The following PRPF3 variants were observed in gnomAD, a reference collection of about 807,000 sequenced individuals.
PRPF3 encodes U4/U6 small nuclear ribonucleoprotein Prp3.
Under a neutral mutation model 89.2 loss-of-function variants are expected in PRPF3, and 3 were observed. That is an observed-to-expected ratio of 0.03 (90% CI 0.02 to 0.09). The LOEUF is 0.09. Ranked by LOEUF, PRPF3 falls within the 10% of genes least tolerant of loss-of-function variation. PRPF3 has a pLI of 1.00. For synonymous variants in PRPF3, 270 were observed against 289.1 expected (o/e 0.93, Z 0.67); for missense variants, 463 against 828.8 (o/e 0.56, Z 5.42).
intron 9 of PRPF3, chr1:150,343,046 T>C: frequency 6.1e-6 from 1 of 164,400 alleles, no homozygotes; most frequent in East Asian, 1.8e-4. Context: ...TGGTGGCTCA[T>C]GCCTGGCCAA....
intron 15 of PRPF3, among the ~76,000 whole-genome samples, chr1:150,349,594 TAGG>T (rs1658681547): frequency 6.6e-6 from 1 of 152,156 alleles, no homozygotes; most frequent in South Asian, 2.1e-4. Context: ...AATATAAAGT[TAGG>T]AGGCTGGGCA....
Position 150,343,721 on chromosome 1 carries a change from A to G in PRPF3, c.1426+269A>G, listed in dbSNP as rs587687877. Among the ~76,000 whole-genome samples, 288 of 152,294 alleles carry G rather than the reference A, an allele frequency of 1.9e-3. 2 individuals carry two copies. Among genetic ancestry groups the G allele is most frequent in the Middle Eastern group, 0.01 (3 of 294 alleles). On this transcript the variant is annotated intron_variant, in intron 10 of 15. Transcript: ENST00000324862. ...AATACAGGTCTTGAAATTCATGGAG[A>G]TAGTAGTTGCAGTATTTGCGTAGAC...
In PRPF3 at chr1:150,347,163, AT is replaced by A. The variant is rs1218279924; in HGVS notation, c.1843+685del. Among the ~76,000 whole-genome samples, 144 of 145,470 alleles carry A rather than the reference AT, an allele frequency of 9.9e-4. 1 individual carries two copies. Among genetic ancestry groups the A allele is most frequent in the African/African-American group, 8.8e-4 (35 of 39,902 alleles). On this transcript the variant is annotated intron_variant, in intron 14 of 15. Coordinates refer to ENST00000324862, the MANE Select transcript of PRPF3 (RefSeq NM_004698.4). ...AGTGTCTATATTATATTATTATTTGATTTTTTTTTTTTTAAGGATTGAAGCC... is the reference window on the plus strand; with the variant it reads ...AGTGTCTATATTATATTATTATTTGATTTTTTTTTTTTAAGGATTGAAGCC...
Position 150,328,410 on chromosome 1 carries a change from C to G in PRPF3, c.367C>G (p.Pro123Ala), listed in dbSNP as rs782221917. 5.0e-6 allele frequency: 8 copies of G among 1,613,930 alleles called. No homozygotes were observed. The highest frequency in any genetic ancestry group is 6.8e-6 in the Non-Finnish European group (8 of 1,180,016). The change falls in exon 4 of 16, where the codon CCA (proline) becomes GCA (alanine). Residue 123 changes from proline (P) to alanine (A), a missense_variant. Pro to Ala is a conservative substitution (Grantham distance 27). Coordinates refer to ENST00000324862, the MANE Select transcript of PRPF3 (RefSeq NM_004698.4). ...CCGTTTTGAGGAGGTGGAAGAAGAG[C>G]CAGAGGTGATCCCTGGGCCTCCATC... ...IPRFEEVEEEPEVIPGPPSES... is the reference protein window; with the variant it reads ...IPRFEEVEEEAEVIPGPPSES...
intron 1 of PRPF3, among the ~76,000 whole-genome samples, chr1:150,323,180 T>TTTTTTTC (rs1655287311): frequency 8.2e-6 from 1 of 122,456 alleles, no homozygotes. Flanking sequence ...TGGCTTTTTT[T>TTTTTTTC]TTTTTTTTTT....
intron 12 of PRPF3, among the ~76,000 whole-genome samples, chr1:150,345,000 C>T (rs1553872545): frequency 6.6e-6 from 1 of 151,678 alleles, no homozygotes. Flanking sequence ...GTTTCATCCT[C>T]ACTCCAAAAT....
At chr1:150,351,158 G>A (rs587678259) in intron 15 of PRPF3, among the ~76,000 whole-genome samples, 3 of 151,966 alleles carry the variant, frequency 2.0e-5, no homozygotes, top group African/African-American at 7.2e-5. Context: ...CCAGCTACTT[G>A]GGAGGCTGAG....
intron 4 of PRPF3, 106 bp downstream of exon 4, chr1:150,328,572 G>A (rs1655970037): frequency 4.6e-6 from 2 of 435,356 alleles, no homozygotes; most frequent in Non-Finnish European, 6.7e-6. Flanking sequence ...TTTTTTTTGA[G>A]GTGGAGTTTT....
intron 9 of PRPF3, 40 bp from the exon 10 acceptor site, chr1:150,343,269 A>G: frequency 1.4e-6 from 2 of 1,410,830 alleles, no homozygotes; most frequent in Non-Finnish European, 1.9e-6. Flanking sequence ...ATATATATGT[A>G]TTCTTACTGC....
At chr1:150,325,972 T>A in intron 3 of PRPF3, 91 bp downstream of exon 3, 2 of 1,492,496 alleles carry the variant, frequency 1.3e-6, no homozygotes, top group Non-Finnish European at 1.9e-6. Flanking sequence ...TGATATCCTC[T>A]ATTTAGAGCA....
At chr1:150,324,609 G>T in intron 1 of PRPF3, among the ~76,000 whole-genome samples, 1 of 149,638 alleles carries the variant, frequency 6.7e-6, no homozygotes. Context: ...GGAGTGCAGT[G>T]GTGCGATTTT....
In PRPF3 at chr1:150,349,169, C is replaced by T; in HGVS notation, c.1856C>T (p.Ser619Phe). 1 of 1,613,510 alleles carries T rather than the reference C, an allele frequency of 6.2e-7. No homozygotes were observed. Among genetic ancestry groups the T allele is most frequent in the South Asian group, 1.1e-5 (1 of 91,064 alleles). The change falls in exon 15 of 16, where the codon TCT becomes TTT. Residue 619 changes from serine to phenylalanine, a missense_variant. Ser to Phe is a radical substitution (Grantham distance 155, BLOSUM62 -2). Transcript: ENST00000324862. The part of the protein sequence containing the change: ...SNTKGDDDEE[S>F]DEEAVKKTNK... ...ATTTCTCTTCCAGATGATGAGGAGT[C>T]TGATGAGGAAGCTGTGAAGAAAACC...
At chr1:150,352,471 C>T (rs1056419757) in intron 15 of PRPF3, among the ~76,000 whole-genome samples, 2 of 152,322 alleles carry the variant, frequency 1.3e-5, no homozygotes, top group African/African-American at 2.4e-5. Flanking sequence ...CGAGACCATC[C>T]TGGCTAACAC....
chr1:150,326,956 A>T (rs1042782372), intron 3 of PRPF3, among the ~76,000 whole-genome samples: 1 of 152,038 alleles, frequency 6.6e-6, no homozygotes, highest in African/African-American at 2.4e-5. Context: ...TGGTTATAGA[A>T]TTTCAGACCT....
At chr1:150,348,460 A>ATTTTTTTTTTTTTTTTT (rs1185909509) in intron 14 of PRPF3, among the ~76,000 whole-genome samples, 543 of 48,432 alleles carry the variant, frequency 0.011, 171 homozygotes, top group African/African-American at 0.021. Flanking sequence ...CTACACGTGC[A>ATTTTTTTTTTTTTTTTT]TTTTTTTTTT....
At chr1:150,336,184 G>A (rs1656975479) in intron 7 of PRPF3, among the ~76,000 whole-genome samples, 1 of 152,304 alleles carries the variant, frequency 6.6e-6, no homozygotes, top group Admixed American at 6.5e-5. Context: ...ATTTGGGTGT[G>A]ATGGGAGACA....
chr1:150,347,305 TACAC>T (rs782587929), intron 14 of PRPF3, among the ~76,000 whole-genome samples: 20 of 151,738 alleles, frequency 1.3e-4, no homozygotes, highest in Admixed American at 9.2e-4. Context: ...TACACACATG[TACAC>T]ACACATACAC....
At chr1:150,322,551 T>C (rs1396440657) in intron 1 of PRPF3, among the ~76,000 whole-genome samples, 1 of 152,188 alleles carries the variant, frequency 6.6e-6, no homozygotes, top group Non-Finnish European at 1.5e-5. Flanking sequence ...GTCTACTCAT[T>C]GTGGGGTAAT....
chr1:150,345,881 A>G, intron 12 of PRPF3, 137 bp from the exon 13 acceptor site: 2 of 762,420 alleles, frequency 2.6e-6, no homozygotes, highest in South Asian at 2.8e-5. Flanking sequence ...CCTTTTAAGC[A>G]TTCATCTATT....
Sources: gnomAD v4.1 joint callset for allele counts (sites outside exome capture counted in the v4.1 genomes callset) on GRCh38, gnomAD v4.1.1 for gene constraint, MANE v1.5 for transcripts, NCBI Gene and HGNC (gene_info 2026-07-23, HGNC 2026-07-21) for gene names.